The following EPHB4 variants were observed in gnomAD, a reference collection of about 807,000 sequenced individuals.
EPHB4 encodes ephrin type-B receptor 4.
Under a neutral mutation model 110.6 loss-of-function variants are expected in EPHB4, and 50 were observed. The ratio of observed to expected loss-of-function variants is 0.45; its 90% CI spans 0.36 to 0.57. The LOEUF (loss-of-function observed/expected upper bound fraction) is 0.57, where lower values mean the gene tolerates loss of function less well. Ranked by LOEUF, EPHB4 falls within the 20% of genes least tolerant of loss-of-function variation. The pLI, the probability that EPHB4 is intolerant of heterozygous loss-of-function variation, is 0.00. For synonymous variants in EPHB4, 592 were observed against 578.4 expected (o/e 1.02, Z -0.34); for missense variants, 1,128 against 1,382.1 (o/e 0.82, Z 2.91).
chr7:100,807,635 C>T, intron 12 of EPHB4, 55 bp from the exon 13 acceptor site: 2 of 1,547,236 alleles, frequency 1.3e-6, no homozygotes, highest in Non-Finnish European at 1.8e-6. Context: ...ACCGTTCCCC[C>T]TCCCATCCAC....
intron 4 of EPHB4, chr7:100,820,532 A>G: frequency 2.6e-6 from 1 of 384,542 alleles, no homozygotes; most frequent in South Asian, 6.8e-5. Context: ...AAAATGGACA[A>G]AAGATCTCAA....
chr7:100,820,020 A>C, intron 5 of EPHB4, 121 bp downstream of exon 5: 3 of 1,502,910 alleles, frequency 2.0e-6, no homozygotes, highest in Non-Finnish European at 2.7e-6. Flanking sequence ...CCTCCGGGCT[A>C]GGGACAAGCA....
At chr7:100,825,795 G>A (rs148896308) in intron 1 of EPHB4, among the ~76,000 whole-genome samples, 1 of 152,198 alleles carries the variant, frequency 6.6e-6, no homozygotes, top group African/African-American at 2.4e-5. Context: ...TCAGGTAATA[G>A]GTGTCACAAT....
rs758204384 is a variant in EPHB4 at position 100,805,326 on chromosome 7, G to C, written c.2679-5C>G. 1.4e-5 allele frequency: 22 copies of C among 1,613,720 alleles called. No individual in the cohort carries two copies. The highest frequency in any genetic ancestry group is 1.9e-5 in the Non-Finnish European group (22 of 1,179,900). ...TCCAGGAGAGGGTGTGAGGCCCTAG[G>C]GGGCAAGGATGGGGAGGAATGCTGA... On this transcript the variant is annotated splice_region_variant and splice_polypyrimidine_tract_variant and intron_variant, in intron 15 of 16. Transcript: ENST00000358173.
intron 16 of EPHB4, among the ~76,000 whole-genome samples, chr7:100,804,313 T>C (rs868649115): frequency 1.4e-4 from 19 of 136,818 alleles, no homozygotes; most frequent in Middle Eastern, 3.5e-3. Flanking sequence ...CATTTCTTTT[T>C]TTTTTTTTTT....
chr7:100,815,752 C>T (rs1018949149), intron 8 of EPHB4, among the ~76,000 whole-genome samples: 3 of 151,988 alleles, frequency 2.0e-5, no homozygotes, highest in Non-Finnish European at 2.9e-5. Context: ...TTTGGGAGGC[C>T]GATGCGGGAG....
chr7:100,807,091 T>C (rs552384060), intron 13 of EPHB4, among the ~76,000 whole-genome samples: 1 of 152,238 alleles, frequency 6.6e-6, no homozygotes, highest in African/African-American at 2.4e-5. Flanking sequence ...ACCTCCCAAG[T>C]AGCTGGGACT....
At position 100,803,351 on chromosome 7, in the gene EPHB4, C is replaced by G. The variant is rs546933549; in HGVS notation, c.*110G>C. On this transcript the variant is annotated 3_prime_UTR_variant, in exon 17 of 17. Transcript: ENST00000358173. Reference sequence around the variant, plus strand: ...TCCAAATTGCCAACTCCTCACCCCACGGGCTCAAAGTGCAATCCAGCGGGG... The same window carrying G: ...TCCAAATTGCCAACTCCTCACCCCAGGGGCTCAAAGTGCAATCCAGCGGGG... 7.7e-7 allele frequency: 1 copy of G among 1,298,714 alleles called. No individual in the cohort carries two copies. The highest frequency in any genetic ancestry group is 1.0e-6 in the Non-Finnish European group (1 of 996,722). 80.4% of individuals were successfully genotyped at this position (1,298,714 alleles called of 1,614,324 possible).
intron 12 of EPHB4, among the ~76,000 whole-genome samples, chr7:100,809,022 C>T (rs541957698): frequency 8.5e-5 from 13 of 152,318 alleles, no homozygotes; most frequent in South Asian, 2.1e-4. Flanking sequence ...CTTCACCCCA[C>T]GGCCTGGATG....
intron 7 of EPHB4, among the ~76,000 whole-genome samples, chr7:100,817,832 A>AT (rs1280521968): frequency 1.3e-5 from 1 of 75,636 alleles, no homozygotes; most frequent in East Asian, 4.2e-4. Flanking sequence ...GCCCAGTCTA[A>AT]TTTTTTTCAT....
intron 4 of EPHB4, chr7:100,820,909 G>C (rs1445746279): frequency 6.6e-6 from 1 of 151,890 alleles, no homozygotes; most frequent in African/African-American, 2.4e-5. Flanking sequence ...AAAGAGGGCA[G>C]ATCACTTGAG....
rs2116414396 is a variant in EPHB4 at position 100,805,671 on chromosome 7, G to A, written c.2508C>T (p.Asp836=). 6.6e-7 allele frequency: 1 copy of A among 1,519,242 alleles called. No homozygotes were observed. Among genetic ancestry groups the A allele is most frequent in the Non-Finnish European group, 8.8e-7 (1 of 1,135,694 alleles). 94.1% of individuals were successfully genotyped at this position (1,519,242 alleles called of 1,614,324 possible). The stretch of plus-strand genomic sequence containing the variant: ...AGTCTGGGGGCGGGGGCAGCCGGTA[G>A]TCCTGTTCAATGGCATTGATCACCT... The part of the protein sequence containing the change: ...NQDVINAIEQ[D]YRLPPPPDCP... Residue 836 remains aspartate (D), a synonymous_variant, in exon 15 of 17, where the codon GAC becomes GAT. Transcript: ENST00000358173.
At chr7:100,817,061 G>A (rs533155928) in intron 8 of EPHB4, 131 bp downstream of exon 8, 28 of 1,092,832 alleles carry the variant, frequency 2.6e-5, no homozygotes, top group Non-Finnish European at 3.2e-5. Flanking sequence ...CCAGCCTGAG[G>A]GACAGAGCAA....
intron 13 of EPHB4, among the ~76,000 whole-genome samples, chr7:100,806,913 T>G (rs2116417865): frequency 6.6e-6 from 1 of 152,152 alleles, no homozygotes. Context: ...CAGGCGATCC[T>G]CCTGCCTCAG....
chr7:100,816,211 A>G (rs562986026), intron 8 of EPHB4, among the ~76,000 whole-genome samples: 1 of 152,220 alleles, frequency 6.6e-6, no homozygotes, highest in South Asian at 2.1e-4. Context: ...GGCCTAGCAT[A>G]TTAAAAATAA....
At chr7:100,812,129 G>A (rs147201808) in intron 12 of EPHB4, among the ~76,000 whole-genome samples, 3,359 of 150,918 alleles carry the variant, frequency 0.022, 46 homozygotes, top group South Asian at 0.056. Flanking sequence ...CCAAGATCTT[G>A]CCATTGCACT....
intron 1 of EPHB4, among the ~76,000 whole-genome samples, chr7:100,825,720 C>T (rs1813369036): frequency 6.6e-6 from 1 of 152,212 alleles, no homozygotes; most frequent in African/African-American, 2.4e-5. Context: ...CCACCCTTAG[C>T]GTTGCTGGAT....
intron 16 of EPHB4, among the ~76,000 whole-genome samples, chr7:100,804,242 C>T (rs539814499): frequency 6.6e-6 from 1 of 150,722 alleles, no homozygotes; most frequent in African/African-American, 2.4e-5. Context: ...CTCAAGCAAT[C>T]GGTCCACCTG....
At chr7:100,819,402 G>A (rs994048148) in intron 6 of EPHB4, among the ~76,000 whole-genome samples, 155 bp downstream of exon 6, 4 of 152,132 alleles carry the variant, frequency 2.6e-5, no homozygotes, top group Non-Finnish European at 5.9e-5. Flanking sequence ...GAGCCACTGC[G>A]CCCAGCCATT....
Sources: allele counts gnomAD v4.1 joint callset (sites outside exome capture counted in the v4.1 genomes callset), GRCh38; gene constraint gnomAD v4.1.1; transcripts MANE v1.5; gene names NCBI Gene and HGNC (gene_info 2026-07-23, HGNC 2026-07-21).